The following PARP8 variants were observed in gnomAD, a reference collection of about 807,000 sequenced individuals.
The protein encoded by PARP8 is poly(ADP-ribose) polymerase family member 8.
A neutral mutation model predicts 124.1 loss-of-function variants in PARP8; 51 were observed. The observed-to-expected ratio is 0.41, with a 90% CI of 0.33 to 0.52. The LOEUF is 0.52. Ranked by LOEUF, PARP8 falls within the 20% of genes least tolerant of loss-of-function variation. PARP8 has a pLI of 0.21. For missense variants in PARP8, 860 were observed against 1,018.9 expected (o/e 0.84, Z 2.12); for synonymous variants, 391 against 361.5 (o/e 1.08, Z -0.93).
intron 2 of PARP8, among the ~76,000 whole-genome samples, chr5:50,676,671 G>T (rs1750678762): frequency 1.3e-5 from 2 of 152,168 alleles, no homozygotes; most frequent in African/African-American, 4.8e-5. Context: ...GAAGCTCGTG[G>T]TGGGGGAAAT....
At chr5:50,830,847 T>A (rs1297626916) in intron 22 of PARP8, among the ~76,000 whole-genome samples, 1 of 150,944 alleles carries the variant, frequency 6.6e-6, no homozygotes, top group Non-Finnish European at 1.5e-5. Flanking sequence ...TGTGTGTGTG[T>A]GATTATGTGA....
At chr5:50,761,257 G>A (rs1760510139) in intron 5 of PARP8, among the ~76,000 whole-genome samples, 1 of 151,964 alleles carries the variant, frequency 6.6e-6, no homozygotes, top group Admixed American at 6.6e-5. Flanking sequence ...CAGTTAATTA[G>A]AAACTCAAAT....
At chr5:50,779,343 C>G (rs890809463) in intron 9 of PARP8, among the ~76,000 whole-genome samples, 1 of 152,156 alleles carries the variant, frequency 6.6e-6, no homozygotes, top group African/African-American at 2.4e-5. Flanking sequence ...TCTTTGGGCA[C>G]TTCTTGCTTG....
rs75009915 is a variant in PARP8, at chr5:50,712,326, A to T, written c.147-37825A>T. Among the ~76,000 whole-genome samples, 1,161 of 152,238 alleles carry T rather than the reference A, an allele frequency of 7.6e-3. 8 individuals are homozygous for T. The highest frequency in any genetic ancestry group is 0.039 in the East Asian group (201 of 5,180). On this transcript the variant is annotated intron_variant, in intron 2 of 25. Transcript: ENST00000281631. Reference sequence around the variant, plus strand: ...AATCTTCTGTTTCCCTACAATAAATATGTACAGTTTTGTGGAGCACCTATA... The same window carrying T: ...AATCTTCTGTTTCCCTACAATAAATTTGTACAGTTTTGTGGAGCACCTATA...
chr5:50,808,164 C>T (rs750504342), intron 14 of PARP8, among the ~76,000 whole-genome samples: 6 of 151,492 alleles, frequency 4.0e-5, no homozygotes, highest in African/African-American at 1.2e-4. Context: ...TATTTAGCCA[C>T]GGTTGAGGAT....
rs1301851264 is a variant in PARP8 at position 50,844,683 on chromosome 5, CA to C, written c.*2618del. The C allele has an allele frequency of 1.3e-5, 2 of 151,734 alleles. No individual in the cohort carries two copies. 9.4% of individuals were successfully genotyped at this position (151,734 alleles called of 1,614,324 possible). On this transcript the variant is annotated 3_prime_UTR_variant, in exon 26 of 26. Transcript: ENST00000281631. ...GCTACTTAGATAGTAACCCACTGAG[CA>C]AAGGCAGTCATTTATTTTCATCCTT...
intron 2 of PARP8, among the ~76,000 whole-genome samples, chr5:50,734,749 C>A (rs1360346338): frequency 1.3e-5 from 2 of 152,172 alleles, no homozygotes; most frequent in Non-Finnish European, 1.5e-5. Flanking sequence ...TCTTCATTGA[C>A]TTATCTGCAG....
At chr5:50,754,839 G>A (rs1306588415) in intron 3 of PARP8, among the ~76,000 whole-genome samples, 3 of 152,098 alleles carry the variant, frequency 2.0e-5, no homozygotes, top group Non-Finnish European at 4.4e-5. Flanking sequence ...ATCCTCTCCA[G>A]CACCTGTTGT....
At chr5:50,668,336 A>G (rs2112187904) in intron 2 of PARP8, 1 of 586,890 alleles carries the variant, frequency 1.7e-6, no homozygotes, top group East Asian at 2.9e-5. Flanking sequence ...GGACCACGCC[A>G]CAGGCAATGA....
At chr5:50,712,664 G>C (rs747973268) in intron 2 of PARP8, among the ~76,000 whole-genome samples, 1 of 152,026 alleles carries the variant, frequency 6.6e-6, no homozygotes, top group East Asian at 1.9e-4. Flanking sequence ...TCACAGAGCA[G>C]GGATGAGATA....
intron 2 of PARP8, among the ~76,000 whole-genome samples, chr5:50,670,520 A>G (rs1311729223): frequency 6.6e-6 from 1 of 152,260 alleles, no homozygotes; most frequent in Non-Finnish European, 1.5e-5. Context: ...TCTGTGGATA[A>G]TAAGAAATGC....
At position 50,729,392 on chromosome 5, in the gene PARP8, T is replaced by C. The variant is rs564665462; in HGVS notation, c.147-20759T>C. On this transcript the variant is annotated intron_variant, in intron 2 of 25. Coordinates refer to ENST00000281631, the MANE Select transcript of PARP8 (RefSeq NM_024615.4). ...ATTTCTGATGAGTTGCTAAATATGC[T>C]GTACAAACTGAATTAAACAAGTGTT... Among the ~76,000 whole-genome samples, 17 of 152,302 alleles carry C rather than the reference T, an allele frequency of 1.1e-4. No individual in the cohort carries two copies. The South Asian group carries it at 3.3e-3, about 30-fold the overall frequency.
At chr5:50,698,578 A>AT (rs930872053) in intron 2 of PARP8, among the ~76,000 whole-genome samples, 3 of 152,074 alleles carry the variant, frequency 2.0e-5, no homozygotes, top group Admixed American at 6.6e-5. Context: ...GGATGATACA[A>AT]TTTTTTCCCC....
chr5:50,754,999 T>C (rs1759761406), intron 3 of PARP8, among the ~76,000 whole-genome samples: 1 of 152,216 alleles, frequency 6.6e-6, no homozygotes, highest in South Asian at 2.1e-4. Flanking sequence ...GAAGTGTCTG[T>C]TCATATCCTT....
upstream of PARP8, chr5:50,666,537 G>A (rs1749295582): frequency 6.6e-6 from 1 of 150,818 alleles, no homozygotes; most frequent in Non-Finnish European, 1.5e-5. Context: ...CGGCCGGCGG[G>A]GTGACTAGGC....
At chr5:50,797,974 C>T (rs1233218803) in intron 14 of PARP8, among the ~76,000 whole-genome samples, 2 of 152,108 alleles carry the variant, frequency 1.3e-5, no homozygotes, top group Non-Finnish European at 2.9e-5. Context: ...CAATTTCCGC[C>T]TCCTGTCATC....
At chr5:50,779,206 C>T (rs948602125) in intron 9 of PARP8, among the ~76,000 whole-genome samples, 21 of 151,994 alleles carry the variant, frequency 1.4e-4, no homozygotes, top group Non-Finnish European at 2.4e-4. Flanking sequence ...CACACACACA[C>T]ATGCATGCAC....
chr5:50,761,736 A>G (rs1249441350), intron 5 of PARP8, 85 bp from the exon 6 acceptor site: 1 of 849,396 alleles, frequency 1.2e-6, no homozygotes, highest in Non-Finnish European at 1.9e-6. Context: ...TATATGCTCA[A>G]GACTTGCCTA....
chr5:50,715,540 A>T (rs6865610), intron 2 of PARP8, among the ~76,000 whole-genome samples: 6,525 of 151,870 alleles, frequency 0.043, 444 homozygotes, highest in African/African-American at 0.15. Context: ...TACTGCAAAT[A>T]AAGATGACCA....
Sources: allele counts gnomAD v4.1 joint callset (sites outside exome capture counted in the v4.1 genomes callset), GRCh38; gene constraint gnomAD v4.1.1; transcripts MANE v1.5; gene names NCBI Gene and HGNC (gene_info 2026-07-23, HGNC 2026-07-21).